Variants in TMEM164 observed in about 807,000 individuals in gnomAD.
The protein encoded by TMEM164 is RP13-360B22.2.
A neutral mutation model predicts 18.8 loss-of-function variants in TMEM164; 4 were observed. The ratio of observed to expected loss-of-function variants is 0.21; its 90% CI spans 0.10 to 0.49. TMEM164 has a LOEUF of 0.49. Among genes scored for constraint, TMEM164 ranks in the 20% least tolerant of loss-of-function variants. The probability of loss-of-function intolerance (pLI) is 0.98; values close to 1 mark genes in which losing one functional copy is unlikely to be tolerated. For synonymous variants in TMEM164, 86 were observed against 101.7 expected (o/e 0.85, Z 0.93); for missense variants, 108 against 239.9 (o/e 0.45, Z 3.63).
chrX:110,173,937 T>C lies in TMEM164; in HGVS notation c.*486T>C, dbSNP rs2067262190. ...ACGGGGGACTGAGGCCTTGTTTCTATACCAGCGGCAAGCCCAGAGCCGAGG... is the reference window on the plus strand; with the variant it reads ...ACGGGGGACTGAGGCCTTGTTTCTACACCAGCGGCAAGCCCAGAGCCGAGG... On this transcript the variant is annotated 3_prime_UTR_variant, in exon 7 of 7. Transcript: ENST00000372068. 1 of 117,333 alleles carries C rather than the reference T, an allele frequency of 8.5e-6. No individual in the cohort carries two copies. The highest frequency in any genetic ancestry group is 8.9e-5 in the Admixed American group (1 of 11,269). 9.7% of individuals were successfully genotyped at this position (117,333 alleles called of 1,213,427 possible).
chrX:110,111,258 T>TA (rs1195889305), intron 4 of TMEM164, among the ~76,000 whole-genome samples: 3 of 112,239 alleles, frequency 2.7e-5, no homozygotes, highest in Non-Finnish European at 5.6e-5. Flanking sequence ...CAAAGAATGG[T>TA]AAAAATAAAC....
At chrX:110,076,719 G>T (rs139847538) in intron 3 of TMEM164, among the ~76,000 whole-genome samples, 1 of 111,682 alleles carries the variant, frequency 9.0e-6, no homozygotes, top group African/African-American at 3.2e-5. Context: ...TTAATTGTAT[G>T]GTTTATCCCA....
chrX:110,082,717 C>G (rs928665976), intron 3 of TMEM164, among the ~76,000 whole-genome samples: 13 of 111,078 alleles, frequency 1.2e-4, no homozygotes, highest in African/African-American at 4.3e-4. Flanking sequence ...ACCTCCCCCT[C>G]ACCCCCCAGT....
intron 4 of TMEM164, among the ~76,000 whole-genome samples, chrX:110,140,476 G>A (rs1290993334): frequency 1.8e-5 from 2 of 111,815 alleles, no homozygotes; most frequent in African/African-American, 6.5e-5. Flanking sequence ...AAACAGGGAA[G>A]TAGGGGCGTG....
At chrX:110,150,579 T>C (rs1051932138) in intron 5 of TMEM164, among the ~76,000 whole-genome samples, 4 of 112,749 alleles carry the variant, frequency 3.5e-5, no homozygotes, top group Non-Finnish European at 7.5e-5. Context: ...CTTCCCTCCA[T>C]CCATATAGTT....
At chrX:110,158,215 G>A (rs1203001545) in intron 5 of TMEM164, among the ~76,000 whole-genome samples, 1 of 111,635 alleles carries the variant, frequency 9.0e-6, no homozygotes, top group Non-Finnish European at 1.9e-5. Flanking sequence ...GCCATATGTG[G>A]TTAGTGGCTA....
chrX:110,143,228 G>A (rs995673718), intron 4 of TMEM164, among the ~76,000 whole-genome samples: 6 of 112,122 alleles, frequency 5.4e-5, no homozygotes, highest in African/African-American at 2.0e-4. Context: ...TACTTTACCT[G>A]TCTGCTTCCT....
intron 2 of TMEM164, among the ~76,000 whole-genome samples, chrX:110,042,948 C>T (rs764785669): frequency 8.9e-6 from 1 of 112,389 alleles, no homozygotes; most frequent in South Asian, 3.6e-4. Context: ...CTAATATCAC[C>T]CCTGGAGTTT....
intron 2 of TMEM164, among the ~76,000 whole-genome samples, chrX:110,036,274 C>T (rs1188658163): frequency 9.0e-6 from 1 of 111,673 alleles, no homozygotes; most frequent in Non-Finnish European, 1.9e-5. Context: ...TCTACTTATT[C>T]TTTAGGGCTC....
chrX:110,168,138 C>T (rs1022414852), intron 5 of TMEM164, among the ~76,000 whole-genome samples: 5 of 112,551 alleles, frequency 4.4e-5, no homozygotes, highest in Admixed American at 2.8e-4. Context: ...GGGGCTCCAG[C>T]AGTGGGAGGA....
chrX:110,107,277 A>ACTC (rs2066218047), intron 3 of TMEM164, among the ~76,000 whole-genome samples: 1 of 111,217 alleles, frequency 9.0e-6, no homozygotes, highest in African/African-American at 3.3e-5. Flanking sequence ...TTCTGACTCT[A>ACTC]CTCTCTTATG....
In TMEM164 at chrX:110,057,689, A is replaced by T. The variant is rs947565966; in HGVS notation, c.391-9658A>T. Among the ~76,000 whole-genome samples the T allele has an allele frequency of 4.6e-5, 5 of 109,390 alleles. No individual in the cohort carries two copies. In the Admixed American group the frequency reaches 4.9e-4, roughly 11 times the overall value. The allele number at this position is 109,390 out of a possible 115,157, so 95.0% of individuals were successfully genotyped here. A position where few individuals can be genotyped will look rare whatever the true frequency, so the allele number is the denominator to read the frequency against. On this transcript the variant is annotated intron_variant, in intron 2 of 6. Coordinates refer to ENST00000372068, the MANE Select transcript of TMEM164 (RefSeq NM_032227.4). Reference sequence around the variant, plus strand: ...TGCATTTTTTATAATAGCCATTCTGACAAGGGTGACATGAGATCTCACTGT... The same window carrying T: ...TGCATTTTTTATAATAGCCATTCTGTCAAGGGTGACATGAGATCTCACTGT...
At chrX:110,127,681 G>A (rs2066554567) in intron 4 of TMEM164, among the ~76,000 whole-genome samples, 1 of 112,069 alleles carries the variant, frequency 8.9e-6, no homozygotes, top group African/African-American at 3.2e-5. Flanking sequence ...AGGGGGAAAG[G>A]AACAGCAAGT....
intron 3 of TMEM164, among the ~76,000 whole-genome samples, chrX:110,084,534 G>A (rs5942888): frequency 1.0e-5 from 1 of 96,905 alleles, no homozygotes; most frequent in Non-Finnish European, 2.0e-5. Context: ...CCAGCTACTC[G>A]AGAGGCTGTG....
At chrX:110,078,031 A>G (rs766022925) in intron 3 of TMEM164, among the ~76,000 whole-genome samples, 3 of 112,188 alleles carry the variant, frequency 2.7e-5, no homozygotes, top group South Asian at 7.4e-4. Context: ...ATTTTCATGA[A>G]CTGTATCCTC....
intron 4 of TMEM164, among the ~76,000 whole-genome samples, chrX:110,142,161 T>C (rs374018713): frequency 5.3e-5 from 6 of 112,379 alleles, no homozygotes; most frequent in African/African-American, 1.9e-4. Flanking sequence ...GTTTGGCTAC[T>C]GTGTGATGTG....
chrX:110,154,606 G>A (rs2066990877), intron 5 of TMEM164, among the ~76,000 whole-genome samples: 1 of 111,433 alleles, frequency 9.0e-6, no homozygotes, highest in Non-Finnish European at 1.9e-5. Flanking sequence ...TTTTTGTAGA[G>A]ATAGGGTTTC....
chrX:110,041,894 T>A (rs1935111148), intron 2 of TMEM164, among the ~76,000 whole-genome samples: 1 of 111,740 alleles, frequency 8.9e-6, no homozygotes, highest in Non-Finnish European at 1.9e-5. Flanking sequence ...GATTCCGCTG[T>A]GCCTTGATTG....
intron 2 of TMEM164, among the ~76,000 whole-genome samples, chrX:110,024,329 G>C (rs1186619902): frequency 9.0e-6 from 1 of 111,542 alleles, no homozygotes; most frequent in Non-Finnish European, 1.9e-5. Context: ...CTATCACTCA[G>C]GCTAGATGCA....
Sources: allele counts gnomAD v4.1 joint callset (sites outside exome capture counted in the v4.1 genomes callset), GRCh38; gene constraint gnomAD v4.1.1; transcripts MANE v1.5; gene names NCBI Gene and HGNC (gene_info 2026-07-23, HGNC 2026-07-21).